Variants in ARL5B observed in about 807,000 individuals in gnomAD.
ARL5B encodes ADP-ribosylation factor-like protein 5B.
In ARL5B, 10 loss-of-function variants were observed where a neutral mutation model predicts 26.9. The ratio of observed to expected loss-of-function variants is 0.37; its 90% CI spans 0.23 to 0.63. ARL5B has a LOEUF of 0.63. Among genes scored for constraint, ARL5B ranks in the 30% least tolerant of loss-of-function variants. The probability of loss-of-function intolerance (pLI) is 0.62; values close to 1 mark genes in which losing one functional copy is unlikely to be tolerated. For synonymous variants in ARL5B, 87 were observed against 70.4 expected, an observed-to-expected ratio of 1.24 and a Z score of -1.18; for missense variants, 167 against 213.9, an observed-to-expected ratio of 0.78 and a Z score of 1.37.
Position 18,677,761 on chromosome 10 carries a change from T to C in ARL5B, c.*2545T>C, listed in dbSNP as rs919558759. ...TTAGTTTTATATTATACCTGTTCTT[T>C]AGAAGTCATGTTAGCAGCTAATTAT... On this transcript the variant is annotated 3_prime_UTR_variant, in exon 6 of 6. Transcript: ENST00000377275. 6.6e-6 allele frequency: 1 copy of C among 152,296 alleles called. No individual in the cohort carries two copies. The highest frequency in any genetic ancestry group is 2.4e-5 in the African/African-American group (1 of 41,412). 9.4% of individuals were successfully genotyped at this position (152,296 alleles called of 1,614,324 possible). A position where few individuals can be genotyped will look rare whatever the true frequency, so the allele number is the denominator to read the frequency against.
chr10:18,672,378 A>G (rs577999054), intron 3 of ARL5B, among the ~76,000 whole-genome samples: 3 of 152,362 alleles, frequency 2.0e-5, no homozygotes, highest in Non-Finnish European at 4.4e-5. Context: ...CACTTAAAAT[A>G]AAACAAGTGG....
intron 1 of ARL5B, among the ~76,000 whole-genome samples, chr10:18,662,039 T>C (rs915741378): frequency 1.3e-5 from 2 of 152,234 alleles, no homozygotes; most frequent in African/African-American, 2.4e-5. Context: ...TCCACAGATG[T>C]ATCTTAGCCT....
chr10:18,666,073 A>G (rs1448548854), intron 1 of ARL5B, among the ~76,000 whole-genome samples: 1 of 152,218 alleles, frequency 6.6e-6, no homozygotes, highest in African/African-American at 2.4e-5. Context: ...TGTCTTTGTG[A>G]CACATGAAAC....
rs900541320 is a variant in ARL5B, at chr10:18,675,403, A to G, written c.*187A>G. 3.6e-6 allele frequency: 2 copies of G among 560,802 alleles called. No homozygotes were observed. The highest frequency in any genetic ancestry group is 3.1e-5 in the Admixed American group (1 of 32,324). The allele number at this position is 560,802 out of a possible 1,614,324, so 34.7% of individuals were successfully genotyped here. ...TTTCTTAACTTTTTTTTTTTAACAC[A>G]CTAATCTTCAGTTGGATGAATGTAA... On this transcript the variant is annotated 3_prime_UTR_variant, in exon 6 of 6. Transcript: ENST00000377275.
chr10:18,678,173 ATAAT>A lies in ARL5B; in HGVS notation c.*2958_*2961del, dbSNP rs1174708790. ...CTTAAAACCTGGAATATTAATATAT[ATAAT>A]CTATTAAAAGCTGAAGATTAAATAT... is the stretch of plus-strand genomic sequence containing the variant. On this transcript the variant is annotated 3_prime_UTR_variant, in exon 6 of 6. Coordinates refer to ENST00000377275, the MANE Select transcript of ARL5B (RefSeq NM_178815.5). The A allele has an allele frequency of 6.6e-6, 1 of 151,786 alleles. No individual in the cohort carries two copies. The highest frequency in any genetic ancestry group is 1.5e-5 in the Non-Finnish European group (1 of 67,742). 9.4% of individuals were successfully genotyped at this position (151,786 alleles called of 1,614,324 possible).
In ARL5B at chr10:18,673,553, T is replaced by C. The variant is rs540428583; in HGVS notation, c.340-431T>C. 1.5e-4 allele frequency among the ~76,000 whole-genome samples: 23 copies of C among 152,300 alleles called. No individual in the cohort carries two copies. In the East Asian group the frequency reaches 4.2e-3, roughly 28 times the overall value. On this transcript the variant is annotated intron_variant, in intron 4 of 5. Coordinates refer to ENST00000377275, the MANE Select transcript of ARL5B (RefSeq NM_178815.5). The stretch of plus-strand genomic sequence containing the variant: ...AGTATATCACAATCTATTCTTCTAA[T>C]GTTTTCATAGTATAAACAATGCTGA...
chr10:18,675,113 T>G, intron 5 of ARL5B, 55 bp from the exon 6 acceptor site: 18 of 1,538,226 alleles, frequency 1.2e-5, no homozygotes, highest in Middle Eastern at 3.4e-4. Context: ...ATAAGTACGC[T>G]TTCAGTTTTT....
intron 3 of ARL5B, among the ~76,000 whole-genome samples, chr10:18,669,306 T>C (rs867107580): frequency 3.9e-5 from 6 of 152,296 alleles, no homozygotes; most frequent in Middle Eastern, 6.8e-3. Context: ...CGTGGAGATA[T>C]TATGTAGGTT....
At position 18,672,627 on chromosome 10, in the gene ARL5B, C is replaced by T; in HGVS notation, c.261C>T (p.Ile87=). 2 of 1,604,992 alleles carry T rather than the reference C, an allele frequency of 1.2e-6. No homozygotes were observed. Among genetic ancestry groups the T allele is most frequent in the Middle Eastern group, 1.7e-4 (1 of 5,996 alleles). ...WNTYYSNTEF[I]ILVVDSIDRE... ...TCCTTTTAATTTTCTTCTAGTTCAT[C>T]ATTCTTGTTGTTGATAGCATTGACA... Residue 87 remains isoleucine, a synonymous_variant, in exon 4 of 6, where the codon ATC becomes ATT. Transcript: ENST00000377275.
chr10:18,667,658 A>G (rs748667247), intron 2 of ARL5B, among the ~76,000 whole-genome samples: 31 of 152,086 alleles, frequency 2.0e-4, no homozygotes, highest in Non-Finnish European at 4.3e-4. Context: ...TTTACCAATG[A>G]TTATGATAAT....
chr10:18,671,541 C>T (rs1384483683), intron 3 of ARL5B, among the ~76,000 whole-genome samples: 1 of 152,054 alleles, frequency 6.6e-6, no homozygotes, highest in East Asian at 1.9e-4. Flanking sequence ...TTGCATCTAT[C>T]TCCTGCTGTA....
intron 5 of ARL5B, 105 bp downstream of exon 5, chr10:18,674,240 G>T: frequency 1.8e-6 from 2 of 1,097,554 alleles, no homozygotes; most frequent in Non-Finnish European, 2.5e-6. Flanking sequence ...CTGTTTGTTT[G>T]TTCTTAATTA....
chr10:18,668,142 T>C (rs1447443791), intron 2 of ARL5B, among the ~76,000 whole-genome samples: 1 of 152,250 alleles, frequency 6.6e-6, no homozygotes, highest in Non-Finnish European at 1.5e-5. Context: ...GATAGCCTGC[T>C]ATCCAATATT....
At chr10:18,663,380 C>T (rs1367489370) in intron 1 of ARL5B, among the ~76,000 whole-genome samples, 4 of 152,134 alleles carry the variant, frequency 2.6e-5, no homozygotes, top group Non-Finnish European at 5.9e-5. Context: ...AACCATGTAA[C>T]AGTAACATCT....
In ARL5B at chr10:18,680,528, A is replaced by C. The variant is rs950399733; in HGVS notation, c.*5312A>C. ...TCCCAGTCATCAGTGACTTATTTGC[A>C]TATTTAAGCCCTATTCACAAGAGAC... On this transcript the variant is annotated 3_prime_UTR_variant, in exon 6 of 6. Transcript: ENST00000377275. 2.6e-5 allele frequency: 4 copies of C among 152,074 alleles called. No individual in the cohort carries two copies. Among genetic ancestry groups the C allele is most frequent in the African/African-American group, 9.7e-5 (4 of 41,432 alleles). 9.4% of individuals were successfully genotyped at this position (152,074 alleles called of 1,614,324 possible). A position where few individuals can be genotyped will look rare whatever the true frequency, so the allele number is the denominator to read the frequency against.
Position 18,675,274 on chromosome 10 carries a change from G to C in ARL5B, c.*58G>C. ...TCTGTGACATGAACATTTTTTCCTA[G>C]TACCTTTGGCTGCTAAGGCAGCAGC... On this transcript the variant is annotated 3_prime_UTR_variant, in exon 6 of 6. Coordinates refer to ENST00000377275, the MANE Select transcript of ARL5B (RefSeq NM_178815.5). The C allele has an allele frequency of 6.5e-7, 1 of 1,541,890 alleles. No homozygotes were observed. Among genetic ancestry groups the C allele is most frequent in the Non-Finnish European group, 9.0e-7 (1 of 1,115,242 alleles).
rs1248257796 is a variant in ARL5B at position 18,674,154 on chromosome 10, G to A, written c.491+19G>A. ...GAGAAGGGTAAGTTCATCCGTCTGA[G>A]GGGAGGTATGACTTCTTTCAAATTT... On this transcript the variant is annotated intron_variant, in intron 5 of 5. Transcript: ENST00000377275. The A allele has an allele frequency of 1.9e-6, 3 of 1,591,482 alleles. No individual in the cohort carries two copies. Among genetic ancestry groups the A allele is most frequent in the African/African-American group, 2.7e-5 (2 of 73,600 alleles).
Position 18,680,341 on chromosome 10 carries a change from A to T in ARL5B, c.*5125A>T, listed in dbSNP as rs1423257244. On this transcript the variant is annotated 3_prime_UTR_variant, in exon 6 of 6. Transcript: ENST00000377275. Reference sequence around the variant, plus strand: ...TGGGCCAACATGGTAGATATATGAGATTCACATATGGTTTCATTAAAGCAC... The same window carrying T: ...TGGGCCAACATGGTAGATATATGAGTTTCACATATGGTTTCATTAAAGCAC... 6.6e-6 allele frequency: 1 copy of T among 152,016 alleles called. No individual in the cohort carries two copies. The highest frequency in any genetic ancestry group is 1.5e-5 in the Non-Finnish European group (1 of 67,906). The allele number at this position is 152,016 out of a possible 1,614,324, so 9.4% of individuals were successfully genotyped here.
At position 18,666,606 on chromosome 10, in the gene ARL5B, T is replaced by C; in HGVS notation, c.78T>C (p.Asn26=). 1 of 1,610,314 alleles carries C rather than the reference T, an allele frequency of 6.2e-7. No homozygotes were observed. The highest frequency in any genetic ancestry group is 1.1e-5 in the South Asian group (1 of 90,126). ...EHKVIIVGLD[N]AGKTTILYQF... is the part of the protein sequence containing the mutation. ...AAGTAATTATAGTGGGACTGGATAA[T>C]GCAGGGAAAACCACCATTCTTTACC... is the stretch of plus-strand genomic sequence containing the variant. The change falls in exon 2 of 6, where the codon AAT becomes AAC. Residue 26 remains asparagine (N), a synonymous_variant. Coordinates refer to ENST00000377275, the MANE Select transcript of ARL5B (RefSeq NM_178815.5).
Sources: allele counts gnomAD v4.1 joint callset (sites outside exome capture counted in the v4.1 genomes callset), GRCh38; gene constraint gnomAD v4.1.1; transcripts MANE v1.5; gene names NCBI Gene and HGNC (gene_info 2026-07-23, HGNC 2026-07-21).